The following SH3PXD2B variants were observed in gnomAD, a reference collection of about 807,000 sequenced individuals.
SH3PXD2B encodes the protein SH3 and PX domains 2B.
SH3PXD2B carries 37 observed loss-of-function variants against 73.1 expected under a neutral mutation model. The observed-to-expected ratio is 0.51, with a 90% CI of 0.39 to 0.67. The LOEUF is 0.67. Ranked by LOEUF, SH3PXD2B falls within the 30% of genes least tolerant of loss-of-function variation. The pLI is 0.00. For synonymous variants in SH3PXD2B, 457 were observed against 480.5 expected (o/e 0.95, Z 0.64); for missense variants, 1,053 against 1,197.8 (o/e 0.88, Z 1.78).
At chr5:172,347,924 TCG>T (rs1757032126) in intron 10 of SH3PXD2B, among the ~76,000 whole-genome samples, 1 of 152,140 alleles carries the variant, frequency 6.6e-6, no homozygotes, top group Non-Finnish European at 1.5e-5. Flanking sequence ...GTTTATACTC[TCG>T]AGGCAGCTGC....
intron 12 of SH3PXD2B, among the ~76,000 whole-genome samples, chr5:172,344,954 GA>G (rs909351354): frequency 2.6e-5 from 4 of 151,420 alleles, no homozygotes; most frequent in African/African-American, 9.7e-5. Flanking sequence ...GAGGATGGAG[GA>G]AAGGAAGGAA....
intron 3 of SH3PXD2B, among the ~76,000 whole-genome samples, chr5:172,405,967 C>T (rs1758546416): frequency 6.6e-6 from 1 of 152,270 alleles, no homozygotes; most frequent in African/African-American, 2.4e-5. Flanking sequence ...GCATCTAATG[C>T]CAAAACCCAA....
At chr5:172,407,004 A>C (rs1758575955) in intron 2 of SH3PXD2B, among the ~76,000 whole-genome samples, 1 of 152,202 alleles carries the variant, frequency 6.6e-6, no homozygotes, top group Non-Finnish European at 1.5e-5. Context: ...ATAGTACCAT[A>C]AACGTATCTC....
chr5:172,368,499 T>TATATATATATAAAATATATATTTA (rs1757588857), intron 6 of SH3PXD2B, among the ~76,000 whole-genome samples: 1 of 3,760 alleles, frequency 2.7e-4, no homozygotes, highest in Non-Finnish European at 5.7e-4. Context: ...ATATATATTA[T>TATATATATATAAAATATATATTTA]ATATATATAT....
intron 8 of SH3PXD2B, among the ~76,000 whole-genome samples, chr5:172,355,608 G>A (rs1304161383): frequency 4.6e-5 from 7 of 151,140 alleles, no homozygotes; most frequent in Admixed American, 1.3e-4. Context: ...GCAGTGGCGC[G>A]ATCTCCACTC....
chr5:172,418,472 C>A (rs764472116), intron 2 of SH3PXD2B, among the ~76,000 whole-genome samples: 1 of 152,180 alleles, frequency 6.6e-6, no homozygotes. Flanking sequence ...TCCACCAAGG[C>A]TCGGCTCTCC....
chr5:172,363,627 G>A (rs889456705), intron 6 of SH3PXD2B, among the ~76,000 whole-genome samples: 7 of 152,058 alleles, frequency 4.6e-5, no homozygotes, highest in Non-Finnish European at 8.8e-5. Flanking sequence ...GAGGAGGAGG[G>A]GTCATGAAGA....
chr5:172,380,302 C>T (rs1340321692), intron 5 of SH3PXD2B, among the ~76,000 whole-genome samples: 1 of 152,178 alleles, frequency 6.6e-6, no homozygotes, highest in Non-Finnish European at 1.5e-5. Flanking sequence ...CTCAAGCAAT[C>T]CTTCCGCCTC....
In SH3PXD2B at chr5:172,336,298, T is replaced by C. The variant is rs1756688833; in HGVS notation, c.*2071A>G. The C allele has an allele frequency of 1.0e-6, 1 of 985,428 alleles. No homozygotes were observed. 61.0% of individuals were successfully genotyped at this position (985,428 alleles called of 1,614,324 possible). A position where few individuals can be genotyped will look rare whatever the true frequency, so the allele number is the denominator to read the frequency against. ...GATCAAGAACTCAGGAAAACTGCCATGGGGCCTCCTCTCAAGGGAGGGGAC... is the reference window on the plus strand; with the variant it reads ...GATCAAGAACTCAGGAAAACTGCCACGGGGCCTCCTCTCAAGGGAGGGGAC... On this transcript the variant is annotated 3_prime_UTR_variant, in exon 13 of 13. Transcript: ENST00000311601.
chr5:172,416,618 G>C (rs1234610196), intron 2 of SH3PXD2B, among the ~76,000 whole-genome samples: 1 of 140,244 alleles, frequency 7.1e-6, no homozygotes, highest in Non-Finnish European at 1.5e-5. Flanking sequence ...GAGCCACTGC[G>C]CCCGGCCTCT....
chr5:172,376,030 CTTTTT>C (rs371476674), intron 5 of SH3PXD2B, among the ~76,000 whole-genome samples: 4 of 136,158 alleles, frequency 2.9e-5, no homozygotes, highest in Admixed American at 7.4e-5. Context: ...CATGTATCTT[CTTTTT>C]TTTTTTTTTT....
At chr5:172,439,671 CGT>C (rs1221748423) in intron 1 of SH3PXD2B, among the ~76,000 whole-genome samples, 2,528 of 112,796 alleles carry the variant, frequency 0.022, 97 homozygotes, top group African/African-American at 0.11. Flanking sequence ...TATGTGTGTG[CGT>C]GCGTGCGCGC....
At chr5:172,332,335 C>T (rs1756574318), downstream of SH3PXD2B, among the ~76,000 whole-genome samples, 1 of 150,846 alleles carries the variant, frequency 6.6e-6, no homozygotes, top group Non-Finnish European at 1.5e-5. Flanking sequence ...CTCACTGCAG[C>T]CTTGAACTCC....
intron 10 of SH3PXD2B, among the ~76,000 whole-genome samples, chr5:172,348,687 C>CTATG (rs1561896879): frequency 1.3e-4 from 6 of 44,474 alleles, no homozygotes; most frequent in East Asian, 2.0e-3. Context: ...ATCTATCTAT[C>CTATG]TATCTATCTA....
chr5:172,364,783 G>C (rs887647298), intron 6 of SH3PXD2B, among the ~76,000 whole-genome samples: 10 of 152,302 alleles, frequency 6.6e-5, no homozygotes, highest in African/African-American at 1.9e-4. Flanking sequence ...CACTCTGTTG[G>C]GTGGTGTCTT....
At chr5:172,425,990 G>A (rs1759087623) in intron 1 of SH3PXD2B, among the ~76,000 whole-genome samples, 1 of 152,040 alleles carries the variant, frequency 6.6e-6, no homozygotes, top group Non-Finnish European at 1.5e-5. Context: ...GACTGTCAAG[G>A]ACACTGCCAA....
At chr5:172,355,631 GC>G (rs1213097182) in intron 8 of SH3PXD2B, among the ~76,000 whole-genome samples, 7 of 151,160 alleles carry the variant, frequency 4.6e-5, no homozygotes, top group Non-Finnish European at 1.0e-4. Context: ...TGCAAACTCC[GC>G]CTCCCGGGTT....
In SH3PXD2B at chr5:172,337,937, T is replaced by G; in HGVS notation, c.*432A>C. ...CTGGGCTTTTAGAAACATGAAGAAGTTGGAGCAAAAGTCATCATGGACTGG... is the reference window on the plus strand; with the variant it reads ...CTGGGCTTTTAGAAACATGAAGAAGGTGGAGCAAAAGTCATCATGGACTGG... On this transcript the variant is annotated 3_prime_UTR_variant, in exon 13 of 13. Transcript: ENST00000311601. 9.6e-7 allele frequency: 1 copy of G among 1,039,938 alleles called. No individual in the cohort carries two copies. The allele number at this position is 1,039,938 out of a possible 1,614,324, so 64.4% of individuals were successfully genotyped here.
At chr5:172,346,337 G>T in intron 11 of SH3PXD2B, 76 bp from the exon 12 acceptor site, 1 of 1,605,232 alleles carries the variant, frequency 6.2e-7, no homozygotes. Context: ...GAGTCTAAGG[G>T]CCTGGGGCAT....
Sources: gnomAD v4.1 joint callset for allele counts (sites outside exome capture counted in the v4.1 genomes callset) on GRCh38, gnomAD v4.1.1 for gene constraint, MANE v1.5 for transcripts, NCBI Gene and HGNC (gene_info 2026-07-23, HGNC 2026-07-21) for gene names.